SMIM21: variants seen among roughly 807,000 people sequenced by gnomAD.
SMIM21 encodes the protein small integral membrane protein 21, also known as chromosome 18 open reading frame 62.
In SMIM21, 8 loss-of-function variants were observed where a neutral mutation model predicts 8.6. The ratio of observed to expected loss-of-function variants is 0.93; its 90% confidence interval spans 0.55 to 1.68. The LOEUF (loss-of-function observed/expected upper bound fraction) is 1.68. SMIM21 is among the 40% of genes most tolerant of loss of function. SMIM21 has a pLI of 0.00. For synonymous variants in SMIM21, 43 were observed against 41.7 expected (o/e 1.03, Z -0.12); for missense variants, 132 against 123.0 (o/e 1.07, Z -0.35).
intron 2 of SMIM21, chr18:75,417,735 G>T (rs2024663231): frequency 6.6e-6 from 1 of 152,538 alleles, no homozygotes. Context: ...CAGGAGAAAT[G>T]TTGGCCGCAG....
chr18:75,418,509 G>A (rs574026965), intron 2 of SMIM21, among the ~76,000 whole-genome samples: 132 of 152,262 alleles, frequency 8.7e-4, no homozygotes, highest in African/African-American at 2.9e-3. Context: ...CTCAAGGAGC[G>A]ACCTCAGATA....
At chr18:75,411,430 G>A (rs1043258804) in intron 2 of SMIM21, among the ~76,000 whole-genome samples, 3 of 152,226 alleles carry the variant, frequency 2.0e-5, no homozygotes, top group Non-Finnish European at 2.9e-5. Context: ...TGGTGGACAC[G>A]GCTAACCGTT....
At chr18:75,415,472 C>T (rs1253915887) in intron 2 of SMIM21, among the ~76,000 whole-genome samples, 2 of 152,190 alleles carry the variant, frequency 1.3e-5, no homozygotes, top group African/African-American at 4.8e-5. Flanking sequence ...CGACGTGTGA[C>T]AACATCTGCG....
chr18:75,425,485 C>T (rs1033152605), intron 1 of SMIM21, among the ~76,000 whole-genome samples: 18 of 152,182 alleles, frequency 1.2e-4, no homozygotes, highest in African/African-American at 4.3e-4. Flanking sequence ...GTATCTATGT[C>T]GTATGATCCA....
chr18:75,419,843 G>GCT (rs2024690539), intron 1 of SMIM21, among the ~76,000 whole-genome samples: 1 of 152,176 alleles, frequency 6.6e-6, no homozygotes. Context: ...GTGGCTGGTG[G>GCT]CTCTCTCTGG....
chr18:75,426,727 A>G (rs1458758946), intron 1 of SMIM21, among the ~76,000 whole-genome samples: 1 of 151,020 alleles, frequency 6.6e-6, no homozygotes, highest in Non-Finnish European at 1.5e-5. Context: ...CAGAGGAAGG[A>G]GATGCTACCT....
chr18:75,414,284 C>CA (rs1159596965), intron 2 of SMIM21, among the ~76,000 whole-genome samples: 3 of 151,998 alleles, frequency 2.0e-5, no homozygotes, highest in Non-Finnish European at 4.4e-5. Context: ...GGCTTGGTTG[C>CA]AAAAAGTGTT....
intron 1 of SMIM21, among the ~76,000 whole-genome samples, chr18:75,421,268 AC>A (rs1478012729): frequency 1.3e-5 from 2 of 152,200 alleles, no homozygotes; most frequent in African/African-American, 2.4e-5. Flanking sequence ...TTCTGTGTAA[AC>A]GTTGAACCCC....
chr18:75,427,377 A>G (rs2024775757), intron 1 of SMIM21, 58 bp downstream of exon 1: 8 of 1,571,530 alleles, frequency 5.1e-6, no homozygotes, highest in African/African-American at 1.3e-5. Flanking sequence ...TTGTAGGACC[A>G]TACCTGTGCA....
intron 1 of SMIM21, among the ~76,000 whole-genome samples, chr18:75,425,611 C>G (rs557286742): frequency 3.9e-5 from 6 of 152,330 alleles, no homozygotes; most frequent in African/African-American, 9.6e-5. Context: ...TGTGGTTTAA[C>G]AGCCCACCTA....
intron 1 of SMIM21, among the ~76,000 whole-genome samples, 179 bp downstream of exon 1, chr18:75,427,255 CT>C (rs1156579093): frequency 5.9e-5 from 9 of 152,122 alleles, no homozygotes; most frequent in Non-Finnish European, 1.2e-4. Context: ...GGGAGGTTGT[CT>C]TGGCCAGAAC....
At chr18:75,414,080 C>CACACACACAT (rs1408780277) in intron 2 of SMIM21, among the ~76,000 whole-genome samples, 25 of 76,196 alleles carry the variant, frequency 3.3e-4, no homozygotes, top group African/African-American at 2.0e-3. Flanking sequence ...CTGTCTCACA[C>CACACACACAT]ACACACACAC....
intron 2 of SMIM21, chr18:75,418,178 G>A: frequency 5.0e-6 from 2 of 398,474 alleles, no homozygotes; most frequent in East Asian, 7.1e-5. Context: ...GTGGGAGAAA[G>A]AAGGAGTTTT....
At chr18:75,414,934 C>T (rs758554498) in intron 2 of SMIM21, among the ~76,000 whole-genome samples, 1 of 152,086 alleles carries the variant, frequency 6.6e-6, no homozygotes, top group African/African-American at 2.4e-5. Flanking sequence ...TCAGAGAACA[C>T]AAAATATTCA....
At chr18:75,426,484 T>C (rs2024763452) in intron 1 of SMIM21, among the ~76,000 whole-genome samples, 1 of 151,848 alleles carries the variant, frequency 6.6e-6, no homozygotes, top group Non-Finnish European at 1.5e-5. Flanking sequence ...TAATTTTTTG[T>C]ATTTCTAGTA....
At position 75,409,757 on chromosome 18, in the gene SMIM21, C is replaced by A. The variant is rs1599100411; in HGVS notation, c.*1107G>T. The stretch of plus-strand genomic sequence containing the variant: ...TGGAGGCTGTGGTGTAAGAGTTACA[C>A]CTCTGTCATTCCTCCACTTTGTTCC... On this transcript the variant is annotated 3_prime_UTR_variant, in exon 3 of 3. Coordinates refer to ENST00000579022, the MANE Select transcript of SMIM21 (RefSeq NM_001037331.3). 6.6e-6 allele frequency: 1 copy of A among 152,250 alleles called. No homozygotes were observed. Among genetic ancestry groups the A allele is most frequent in the East Asian group, 1.9e-4 (1 of 5,194 alleles). 9.4% of individuals were successfully genotyped at this position (152,250 alleles called of 1,614,324 possible).
intron 1 of SMIM21, among the ~76,000 whole-genome samples, chr18:75,419,661 G>A (rs1201897308): frequency 6.6e-6 from 1 of 151,940 alleles, no homozygotes; most frequent in Non-Finnish European, 1.5e-5. Flanking sequence ...TTCTCAGAAA[G>A]AAAAACAATA....
In SMIM21 at chr18:75,418,820, CAG is replaced by C; in HGVS notation, c.224_225del (p.Ser75Ter). On this transcript the variant is annotated frameshift_variant, in exon 2 of 3. Transcript: ENST00000579022. LOFTEE classifies it low-confidence loss of function (END_TRUNC). ...LRNHSRIQGV[S>X]EDWKRANSIF... ...ATGCTGTTGGCCCTTTTCCAGTCTT[CAG>C]AAACCCCTTGTATCCTGCTATGATT... The C allele has an allele frequency of 6.2e-7, 1 of 1,612,392 alleles. No individual in the cohort carries two copies. Among genetic ancestry groups the C allele is most frequent in the Non-Finnish European group, 8.5e-7 (1 of 1,178,960 alleles).
chr18:75,415,115 GCTGCACCATGAACAC>G (rs1307625247), intron 2 of SMIM21, among the ~76,000 whole-genome samples: 12 of 152,100 alleles, frequency 7.9e-5, no homozygotes, highest in Non-Finnish European at 1.3e-4. Flanking sequence ...TCATCCTTCT[GCTGCACCATGAACAC>G]CTCATACAGA....
Sources: gnomAD v4.1 joint callset for allele counts (sites outside exome capture counted in the v4.1 genomes callset) on GRCh38, gnomAD v4.1.1 for gene constraint, MANE v1.5 for transcripts, NCBI Gene and HGNC (gene_info 2026-07-23, HGNC 2026-07-21) for gene names.